The following DCLK2 variants were observed in gnomAD, a reference collection of about 807,000 sequenced individuals.
DCLK2 encodes serine/threonine-protein kinase DCLK2.
A neutral mutation model predicts 78.4 loss-of-function variants in DCLK2; 31 were observed. The observed-to-expected ratio is 0.40, with a 90% CI of 0.30 to 0.53. The LOEUF (loss-of-function observed/expected upper bound fraction) is 0.53. Ranked by LOEUF, DCLK2 falls within the 20% of genes least tolerant of loss-of-function variation. The pLI, the probability that DCLK2 is intolerant of heterozygous loss-of-function variation, is 0.61. For synonymous variants in DCLK2, 407 were observed against 374.9 expected (o/e 1.09, Z -0.99); for missense variants, 872 against 973.7 (o/e 0.90, Z 1.39).
At chr4:150,240,207 A>T (rs573999404) in intron 11 of DCLK2, among the ~76,000 whole-genome samples, 192 bp from the exon 12 acceptor site, 2 of 152,358 alleles carry the variant, frequency 1.3e-5, no homozygotes, top group Admixed American at 1.3e-4. Context: ...AGTAGTCACC[A>T]AGACTGTGGT....
At chr4:150,236,853 C>A (rs961881181) in intron 10 of DCLK2, among the ~76,000 whole-genome samples, 4 of 152,184 alleles carry the variant, frequency 2.6e-5, no homozygotes, top group African/African-American at 4.8e-5. Flanking sequence ...AGGAATATCA[C>A]TTGCACAGAC....
chr4:150,232,267 G>C, intron 8 of DCLK2, 70 bp from the exon 9 acceptor site: 4 of 1,556,534 alleles, frequency 2.6e-6, no homozygotes, highest in Non-Finnish European at 3.5e-6. Flanking sequence ...TTGTTTTGCT[G>C]TCCTCCAGGC....
In DCLK2 at chr4:150,229,953, T is replaced by A. The variant is rs144756323; in HGVS notation, c.1300-2384T>A. 5.0e-3 allele frequency among the ~76,000 whole-genome samples: 763 copies of A among 152,322 alleles called. 8 individuals are homozygous for A. The highest frequency in any genetic ancestry group is 0.017 in the African/African-American group (718 of 41,570). On this transcript the variant is annotated intron_variant, in intron 8 of 15. Transcript: ENST00000296550. ...ATTAGAAACAAAGACTACATACAGG[T>A]TGCACAAGAAATAGATAACGTTTGT...
At chr4:150,082,639 T>C (rs1429867554) in intron 1 of DCLK2, among the ~76,000 whole-genome samples, 1 of 152,204 alleles carries the variant, frequency 6.6e-6, no homozygotes, top group African/African-American at 2.4e-5. Flanking sequence ...TTAAAACTAG[T>C]TGGGGGACCT....
chr4:150,122,601 CAGTG>C (rs1054846301), intron 2 of DCLK2, among the ~76,000 whole-genome samples: 1 of 152,000 alleles, frequency 6.6e-6, no homozygotes, highest in African/African-American at 2.4e-5. Flanking sequence ...CAGGGCCTGT[CAGTG>C]GGTGGGGGGC....
chr4:150,250,878 ACAC>A (rs1743763066), intron 15 of DCLK2, among the ~76,000 whole-genome samples: 1 of 23,794 alleles, frequency 4.2e-5, no homozygotes, highest in African/African-American at 1.6e-4. Flanking sequence ...AACATCCCCC[ACAC>A]TCCCCACACC....
intron 5 of DCLK2, among the ~76,000 whole-genome samples, chr4:150,215,066 T>C (rs1740589107): frequency 6.6e-6 from 1 of 152,046 alleles, no homozygotes; most frequent in African/African-American, 2.4e-5. Context: ...GTCAACTCAG[T>C]ACAGAGAAAT....
chr4:150,107,223 T>C (rs1317403784), intron 2 of DCLK2, among the ~76,000 whole-genome samples: 1 of 152,214 alleles, frequency 6.6e-6, no homozygotes, highest in East Asian at 1.9e-4. Context: ...TGCTGCTTGT[T>C]TGAATAAATA....
chr4:150,235,694 A>C (rs1742448042), intron 10 of DCLK2, among the ~76,000 whole-genome samples: 1 of 152,180 alleles, frequency 6.6e-6, no homozygotes, highest in Non-Finnish European at 1.5e-5. Context: ...CAGTTTCTAG[A>C]TTTAGTCAGC....
At chr4:150,218,757 C>A (rs1740942436) in intron 5 of DCLK2, among the ~76,000 whole-genome samples, 1 of 152,184 alleles carries the variant, frequency 6.6e-6, no homozygotes, top group Admixed American at 6.5e-5. Context: ...ACATGTGAGT[C>A]CACTGGTCAC....
At chr4:150,255,794 G>T (rs1329919163) in intron 15 of DCLK2, among the ~76,000 whole-genome samples, 30 of 152,150 alleles carry the variant, frequency 2.0e-4, no homozygotes, top group Admixed American at 2.0e-3. Flanking sequence ...GTGTGTCCTG[G>T]GCTGCCAGCC....
At position 150,079,264 on chromosome 4, in the gene DCLK2, C is replaced by T. The variant is rs762177376; in HGVS notation, c.237C>T (p.Asn79=). The part of the protein sequence containing the change: ...KKAKKARFYR[N]GDRYFKGLVF... Reference sequence around the variant, plus strand: ...CCAAGAAGGCGCGCTTCTACCGGAACGGGGACCGCTACTTCAAGGGCCTGG... The same window carrying T: ...CCAAGAAGGCGCGCTTCTACCGGAATGGGGACCGCTACTTCAAGGGCCTGG... Residue 79 remains asparagine, a synonymous_variant, in exon 1 of 16, where the codon AAC becomes AAT. Transcript: ENST00000296550. 9 of 1,605,158 alleles carry T rather than the reference C, an allele frequency of 5.6e-6. No individual in the cohort carries two copies. The highest frequency in any genetic ancestry group is 5.1e-5 in the Admixed American group (3 of 58,918).
intron 1 of DCLK2, among the ~76,000 whole-genome samples, chr4:150,096,328 G>T (rs1730458713): frequency 6.6e-6 from 1 of 152,218 alleles, no homozygotes; most frequent in Non-Finnish European, 1.5e-5. Context: ...CAGTAATGGA[G>T]AGTGAAATTC....
chr4:150,256,277 T>C lies in DCLK2; in HGVS notation c.*30T>C. 2 of 1,469,970 alleles carry C rather than the reference T, an allele frequency of 1.4e-6. No individual in the cohort carries two copies. The highest frequency in any genetic ancestry group is 2.9e-5 in the African/African-American group (2 of 69,472). 91.1% of individuals were successfully genotyped at this position (1,469,970 alleles called of 1,614,324 possible). On this transcript the variant is annotated 3_prime_UTR_variant, in exon 16 of 16. Coordinates refer to ENST00000296550, the MANE Select transcript of DCLK2 (RefSeq NM_001040260.4). ...CCTGCAGACGGGCGAAGCCGCCTGC[T>C]GCAGCCCAGGAAGCCAGCCCTCTGC...
intron 15 of DCLK2, among the ~76,000 whole-genome samples, chr4:150,252,156 C>T (rs1271736382): frequency 6.6e-6 from 1 of 152,194 alleles, no homozygotes; most frequent in Non-Finnish European, 1.5e-5. Flanking sequence ...CTTGATTGAG[C>T]CAACAGCATG....
At chr4:150,178,026 G>A (rs1436013298) in intron 2 of DCLK2, among the ~76,000 whole-genome samples, 1 of 152,150 alleles carries the variant, frequency 6.6e-6, no homozygotes, top group Non-Finnish European at 1.5e-5. Context: ...AATTCTGGGG[G>A]CTGGGAATTA....
chr4:150,256,882 C>G lies in DCLK2; in HGVS notation c.*635C>G, dbSNP rs1038614083. The G allele has an allele frequency of 1.3e-5, 2 of 152,316 alleles. No individual in the cohort carries two copies. The highest frequency in any genetic ancestry group is 2.9e-5 in the Non-Finnish European group (2 of 68,158). 9.4% of individuals were successfully genotyped at this position (152,316 alleles called of 1,614,324 possible). ...GCCCAGGGCGGCGGGCTCAGCCATTCGGCTTGGGGCACCAGGCTCCCCAGA... is the reference window on the plus strand; with the variant it reads ...GCCCAGGGCGGCGGGCTCAGCCATTGGGCTTGGGGCACCAGGCTCCCCAGA... On this transcript the variant is annotated 3_prime_UTR_variant, in exon 16 of 16. Coordinates refer to ENST00000296550, the MANE Select transcript of DCLK2 (RefSeq NM_001040260.4).
At chr4:150,209,482 A>C (rs1740127067) in intron 5 of DCLK2, among the ~76,000 whole-genome samples, 1 of 152,182 alleles carries the variant, frequency 6.6e-6, no homozygotes, top group Admixed American at 6.5e-5. Context: ...TTGTCCTCTA[A>C]TTCTTAAGTT....
At chr4:150,110,871 T>C (rs1320391543) in intron 2 of DCLK2, among the ~76,000 whole-genome samples, 1 of 152,222 alleles carries the variant, frequency 6.6e-6, no homozygotes, top group Non-Finnish European at 1.5e-5. Context: ...ACATTTTCTT[T>C]ATCCACTCAT....
Sources: allele counts gnomAD v4.1 joint callset (sites outside exome capture counted in the v4.1 genomes callset), GRCh38; gene constraint gnomAD v4.1.1; transcripts MANE v1.5; gene names NCBI Gene and HGNC (gene_info 2026-07-23, HGNC 2026-07-21).